ITGAE: variants seen among roughly 807,000 people sequenced by gnomAD.
ITGAE encodes the protein integrin subunit alpha E.
In ITGAE, 99 loss-of-function variants were observed where a neutral mutation model predicts 136.5. That is an observed-to-expected ratio of 0.73 (90% CI 0.62 to 0.86). The LOEUF (loss-of-function observed/expected upper bound fraction) is 0.86, where lower values mean the gene tolerates loss of function less well. ITGAE is among the 40% of genes least tolerant of loss of function. The pLI, the probability that ITGAE is intolerant of heterozygous loss-of-function variation, is 0.00. For missense variants in ITGAE, 1,447 were observed against 1,515.3 expected (o/e 0.95, Z 0.75); for synonymous variants, 613 against 591.8 (o/e 1.04, Z -0.52).
At chr17:3,781,764 A>C (rs754993600) in intron 1 of ITGAE, among the ~76,000 whole-genome samples, 1 of 152,166 alleles carries the variant, frequency 6.6e-6, no homozygotes, top group South Asian at 2.1e-4. Context: ...GAAATGTCTC[A>C]TCATTATTTG....
rs991421824 is a variant in ITGAE at position 3,797,955 on chromosome 17, G to C, written c.34+3156C>G. Among the ~76,000 whole-genome samples, 7 of 152,156 alleles carry C rather than the reference G, an allele frequency of 4.6e-5. No homozygotes were observed. The South Asian group carries it at 1.4e-3, about 32-fold the overall frequency. ...CTTCTGTGGCTCCCCACTGCCCTCA[G>C]CAGGAACTCCAAGCTCCCCCAGGCC... is the stretch of plus-strand genomic sequence containing the variant. On this transcript the variant is annotated intron_variant, in intron 1 of 30. Coordinates refer to ENST00000263087, the MANE Select transcript of ITGAE (RefSeq NM_002208.5).
At chr17:3,792,549 A>G (rs1462419812) in intron 1 of ITGAE, among the ~76,000 whole-genome samples, 1 of 152,210 alleles carries the variant, frequency 6.6e-6, no homozygotes, top group Non-Finnish European at 1.5e-5. Flanking sequence ...AAAAGAACAG[A>G]AGGAAAATGA....
intron 2 of ITGAE, among the ~76,000 whole-genome samples, chr17:3,772,243 A>G (rs2052442166): frequency 6.6e-6 from 1 of 151,848 alleles, no homozygotes; most frequent in Non-Finnish European, 1.5e-5. Context: ...ACGTCCCCCA[A>G]CAGAGCTGTT....
intron 23 of ITGAE, 103 bp from the exon 24 acceptor site, chr17:3,729,658 C>T (rs2915554): frequency 0.29 from 227,762 of 793,170 alleles, 36,378 homozygotes; most frequent in South Asian, 0.48. Flanking sequence ...GCAGTGTTGC[C>T]GTCTCAGCTC....
intron 1 of ITGAE, among the ~76,000 whole-genome samples, chr17:3,791,582 C>A (rs1316021066): frequency 1.3e-5 from 2 of 152,152 alleles, no homozygotes; most frequent in African/African-American, 4.8e-5. Flanking sequence ...CACGCCCGGC[C>A]CTTCATGTTC....
intron 1 of ITGAE, among the ~76,000 whole-genome samples, chr17:3,791,296 T>C (rs2052933190): frequency 6.6e-6 from 1 of 151,978 alleles, no homozygotes; most frequent in African/African-American, 2.4e-5. Context: ...ACGTTCTTTA[T>C]TATTGAGACT....
intron 20 of ITGAE, among the ~76,000 whole-genome samples, chr17:3,736,709 G>A (rs1038288541): frequency 2.0e-5 from 3 of 152,140 alleles, no homozygotes; most frequent in Admixed American, 1.3e-4. Flanking sequence ...AGCTGAGATT[G>A]ACAGAAAAAC....
chr17:3,724,535 C>G, intron 26 of ITGAE: 1 of 1,614,082 alleles, frequency 6.2e-7, no homozygotes, highest in Non-Finnish European at 8.5e-7. Context: ...CAGCCTCAGC[C>G]GTCCCGAGCG....
chr17:3,717,108 C>G, intron 29 of ITGAE: 1 of 290,074 alleles, frequency 3.4e-6, no homozygotes, highest in Non-Finnish European at 6.6e-6. Flanking sequence ...CCACGGAATC[C>G]GGTCTCAACA....
At position 3,732,444 on chromosome 17, in the gene ITGAE, C is replaced by T. The variant is rs2051367011; in HGVS notation, c.2678G>A (p.Cys893Tyr). The change falls in exon 22 of 31, where the codon TGT becomes TAT. Residue 893 changes from cysteine to tyrosine, a missense_variant. Around this residue, in one of 3 missense-constraint regions of ITGAE, gnomAD observed 1,031 missense variants for 1,011.4 expected, o/e 1.02. Transcript: ENST00000263087. Reference sequence around the variant, plus strand: ...AGAAGCAACCGGCTGAGGGTCATCACACTGAATGTTTGGAGAGGGAGGCTG... The same window carrying T: ...AGAAGCAACCGGCTGAGGGTCATCATACTGAATGTTTGGAGAGGGAGGCTG... ...MQKPPSPNIQ[C>Y]DDPQPVASVL... is the part of the protein sequence containing the mutation. 1.2e-6 allele frequency: 2 copies of T among 1,614,134 alleles called. No individual in the cohort carries two copies. Among genetic ancestry groups the T allele is most frequent in the Non-Finnish European group, 1.7e-6 (2 of 1,179,960 alleles).
At chr17:3,732,077 A>AAAACAAAC (rs10523007) in intron 22 of ITGAE, among the ~76,000 whole-genome samples, 82,237 of 150,636 alleles carry the variant, frequency 0.55, 23,706 homozygotes, top group Admixed American at 0.68. Context: ...CTCCATCTCA[A>AAAACAAAC]AAACAAACAA....
chr17:3,749,060 C>T (rs2051792930), intron 16 of ITGAE, among the ~76,000 whole-genome samples: 2 of 152,054 alleles, frequency 1.3e-5, no homozygotes, highest in Admixed American at 1.3e-4. Flanking sequence ...AAGACAGTGC[C>T]TGCACTGGTC....
At chr17:3,725,582 G>A in intron 26 of ITGAE, 1 of 1,614,212 alleles carries the variant, frequency 6.2e-7, no homozygotes, top group Non-Finnish European at 8.5e-7. Flanking sequence ...CCGGTGAAGT[G>A]TGCAACCGCA....
rs1184672540 is a variant in ITGAE at position 3,727,907 on chromosome 17, G to A, written c.3084+12C>T. On this transcript the variant is annotated intron_variant, in intron 26 of 30. Transcript: ENST00000263087. ...AAAGAGGTGTGACTGATAAAGAACT[G>A]CCTTTAAATACCTGAGTCCTCGTCA... 8 of 1,527,198 alleles carry A rather than the reference G, an allele frequency of 5.2e-6. No individual in the cohort carries two copies. The South Asian group carries it at 7.8e-5, about 15-fold the overall frequency. 94.6% of individuals were successfully genotyped at this position (1,527,198 alleles called of 1,614,324 possible). A position where few individuals can be genotyped will look rare whatever the true frequency, so the allele number is the denominator to read the frequency against.
intron 26 of ITGAE, 172 bp from the exon 27 acceptor site, chr17:3,723,916 C>T: frequency 6.5e-7 from 1 of 1,541,712 alleles, no homozygotes. Context: ...TGCGTTTGAA[C>T]CTCTTGGCGG....
At chr17:3,738,177 C>T (rs1420534724) in intron 20 of ITGAE, among the ~76,000 whole-genome samples, 2 of 150,810 alleles carry the variant, frequency 1.3e-5, no homozygotes, top group African/African-American at 4.9e-5. Context: ...TGTTACCCTC[C>T]CCCCCTCCCC....
At chr17:3,796,581 G>A (rs978957373) in intron 1 of ITGAE, among the ~76,000 whole-genome samples, 2 of 152,024 alleles carry the variant, frequency 1.3e-5, no homozygotes, top group African/African-American at 2.4e-5. Context: ...CACAGGCGAG[G>A]GCTGGCCCTC....
chr17:3,731,261 C>T, intron 22 of ITGAE, 78 bp from the exon 23 acceptor site: 1 of 1,052,238 alleles, frequency 9.5e-7, no homozygotes, highest in Non-Finnish European at 1.5e-6. Flanking sequence ...ACTCGTGGAA[C>T]AGACCTAGGA....
At chr17:3,738,182 C>A (rs900935672) in intron 20 of ITGAE, among the ~76,000 whole-genome samples, 5 of 151,718 alleles carry the variant, frequency 3.3e-5, no homozygotes, top group Admixed American at 6.6e-5. Context: ...CCCTCCCCCC[C>A]TCCCCGTTTT....
Sources: gnomAD v4.1 joint callset for allele counts (sites outside exome capture counted in the v4.1 genomes callset) on GRCh38, gnomAD v4.1.1 for gene constraint, gnomAD v4.1.1 regional missense constraint, MANE v1.5 for transcripts, NCBI Gene and HGNC (gene_info 2026-07-23, HGNC 2026-07-21) for gene names.